The following ZNF503 variants were observed in gnomAD, a reference collection of about 807,000 sequenced individuals.
The protein encoded by ZNF503 is NocA-like zinc finger 2.
ZNF503 carries 15 observed loss-of-function variants against 34.4 expected under a neutral mutation model. The observed-to-expected ratio is 0.44, with a 90% CI of 0.29 to 0.67. ZNF503 has a LOEUF of 0.67. Among genes scored for constraint, ZNF503 ranks in the 30% least tolerant of loss-of-function variants. ZNF503 has a pLI of 0.13. For synonymous variants in ZNF503, 580 were observed against 456.8 expected (o/e 1.27, Z -3.44); for missense variants, 1,007 against 926.8 (o/e 1.09, Z -1.12).
Position 75,401,470 on chromosome 10 carries a change from G to T in ZNF503, c.-51C>A. The T allele has an allele frequency of 6.7e-7, 1 of 1,500,808 alleles. No individual in the cohort carries two copies. The highest frequency in any genetic ancestry group is 8.8e-7 in the Non-Finnish European group (1 of 1,133,572). The allele number at this position is 1,500,808 out of a possible 1,614,324, so 93.0% of individuals were successfully genotyped here. Reference sequence around the variant, plus strand: ...CGGGGGGGAGGGCTCCGGGAGGCGCGGGGCGGGCTCGGGGCTGCGCGCTCG... The same window carrying T: ...CGGGGGGGAGGGCTCCGGGAGGCGCTGGGCGGGCTCGGGGCTGCGCGCTCG... On this transcript the variant is annotated 5_prime_UTR_variant, in exon 1 of 2. Transcript: ENST00000372524.
chr10:75,286,786 G>A, the ZNF503 span, among the ~76,000 whole-genome samples: 1 of 152,310 alleles, frequency 6.6e-6, no homozygotes, highest in South Asian at 2.1e-4. Flanking sequence ...AGGGCTTACA[G>A]GGGGCCAGGG....
chr10:75,313,347 A>G, the ZNF503 span, among the ~76,000 whole-genome samples: 1 of 152,216 alleles, frequency 6.6e-6, no homozygotes, highest in African/African-American at 2.4e-5. Flanking sequence ...GAACAGTTGT[A>G]TTAGATTCAT....
chr10:75,378,142 T>A, the ZNF503 span, among the ~76,000 whole-genome samples: 14 of 151,918 alleles, frequency 9.2e-5, no homozygotes, highest in African/African-American at 3.4e-4. Flanking sequence ...CATGATCCTA[T>A]CACCTCCCAC....
At chr10:75,323,479 CTATTTGAGGTTTCCACCAGCAA>C in the ZNF503 span, among the ~76,000 whole-genome samples, 5 of 152,166 alleles carry the variant, frequency 3.3e-5, no homozygotes, top group African/African-American at 9.7e-5. Flanking sequence ...TCCACCAGCA[CTATTTGAGGTTTCCACCAGCAA>C]TATTTGAGGT....
chr10:75,352,698 A>T, the ZNF503 span, among the ~76,000 whole-genome samples: 1 of 152,238 alleles, frequency 6.6e-6, no homozygotes, highest in African/African-American at 2.4e-5. Context: ...GATTGGGCAC[A>T]TTCTCATGGC....
chr10:75,397,180 G>T (rs1197939469), downstream of ZNF503, among the ~76,000 whole-genome samples: 2 of 151,736 alleles, frequency 1.3e-5, no homozygotes. Context: ...GGCCAGCCCC[G>T]GGTCCCGACT....
the ZNF503 span, among the ~76,000 whole-genome samples, chr10:75,327,744 A>G: frequency 2.0e-5 from 3 of 152,250 alleles, no homozygotes; most frequent in Admixed American, 1.3e-4. Context: ...TTTTCTCTGC[A>G]TCTTCACCAG....
At chr10:75,381,146 G>A in the ZNF503 span, among the ~76,000 whole-genome samples, 3 of 152,176 alleles carry the variant, frequency 2.0e-5, no homozygotes, top group South Asian at 4.1e-4. Flanking sequence ...TCTTGTGACC[G>A]AATTCTGGCC....
chr10:75,342,070 C>T, the ZNF503 span, among the ~76,000 whole-genome samples: 385 of 152,218 alleles, frequency 2.5e-3, 1 homozygote, highest in Non-Finnish European at 3.9e-3. Flanking sequence ...GATATACTCT[C>T]CTCTGGAGTC....
At chr10:75,378,877 C>G in the ZNF503 span, among the ~76,000 whole-genome samples, 1 of 152,164 alleles carries the variant, frequency 6.6e-6, no homozygotes, top group Admixed American at 6.5e-5. Flanking sequence ...CTTCCTGGCA[C>G]CTCTAGGGAA....
chr10:75,346,540 C>G, the ZNF503 span, among the ~76,000 whole-genome samples: 1 of 151,922 alleles, frequency 6.6e-6, no homozygotes, highest in Non-Finnish European at 1.5e-5. Context: ...AGGCAATCCT[C>G]CTGCCTCAGC....
At chr10:75,394,290 G>T (rs1843673492), downstream of ZNF503, among the ~76,000 whole-genome samples, 1 of 152,230 alleles carries the variant, frequency 6.6e-6, no homozygotes, top group Admixed American at 6.5e-5. Context: ...TGACCTCATG[G>T]AACTGTTGTG....
the ZNF503 span, chr10:75,361,218 C>A: frequency 6.6e-6 from 1 of 152,192 alleles, no homozygotes; most frequent in African/African-American, 2.4e-5. Context: ...TCAATAGAAT[C>A]ATAAAGGTAC....
the ZNF503 span, among the ~76,000 whole-genome samples, chr10:75,352,201 G>A: frequency 0.012 from 1,887 of 152,258 alleles, 49 homozygotes; most frequent in African/African-American, 0.044. Context: ...ATGCAAAGGG[G>A]CTGCTGTAGG....
chr10:75,360,777 G>A, the ZNF503 span: 1 of 152,248 alleles, frequency 6.6e-6, no homozygotes, highest in East Asian at 1.9e-4. Flanking sequence ...CAAGCACAGA[G>A]AAATCAAATC....
the ZNF503 span, among the ~76,000 whole-genome samples, chr10:75,294,672 G>T: frequency 6.6e-6 from 1 of 151,700 alleles, no homozygotes; most frequent in African/African-American, 2.4e-5. Flanking sequence ...CAGGGGACAG[G>T]GCGGAGGGGG....
At chr10:75,400,964 A>G in intron 1 of ZNF503, 141 bp downstream of exon 1, 1 of 1,241,172 alleles carries the variant, frequency 8.1e-7, no homozygotes, top group Non-Finnish European at 1.1e-6. Context: ...GTTTTGAGGT[A>G]CGGAAGCAGT....
chr10:75,356,474 C>T, the ZNF503 span, among the ~76,000 whole-genome samples: 1 of 152,238 alleles, frequency 6.6e-6, no homozygotes, highest in Non-Finnish European at 1.5e-5. Context: ...CTCAGCCTCC[C>T]AAAGTGCTGG....
chr10:75,357,785 T>A, the ZNF503 span, among the ~76,000 whole-genome samples: 1 of 152,094 alleles, frequency 6.6e-6, no homozygotes, highest in Non-Finnish European at 1.5e-5. Flanking sequence ...TATTGGGCCA[T>A]GATATGCAGC....
Sources: allele counts gnomAD v4.1 joint callset (sites outside exome capture counted in the v4.1 genomes callset), GRCh38; gene constraint gnomAD v4.1.1; transcripts MANE v1.5; gene names NCBI Gene and HGNC (gene_info 2026-07-23, HGNC 2026-07-21).